Variants in MACROD2 observed in about 807,000 individuals in gnomAD.
The protein encoded by MACROD2 is ADP-ribose glycohydrolase MACROD2.
Under a neutral mutation model 70.4 loss-of-function variants are expected in MACROD2, and 36 were observed. That is an observed-to-expected ratio of 0.51 (90% confidence interval 0.39 to 0.68). MACROD2 has a LOEUF of 0.68. Ranked by LOEUF, MACROD2 falls within the 30% of genes least tolerant of loss-of-function variation. The pLI, the probability that MACROD2 is intolerant of heterozygous loss-of-function variation, is 0.00. For missense variants in MACROD2, 496 were observed against 538.4 expected (o/e 0.92, Z 0.78); for synonymous variants, 172 against 178.8 (o/e 0.96, Z 0.30).
At chr20:14,000,886 G>A (rs962996871) in intron 1 of MACROD2, among the ~76,000 whole-genome samples, 3 of 152,042 alleles carry the variant, frequency 2.0e-5, no homozygotes, top group African/African-American at 4.8e-5. Flanking sequence ...TTTTGTTTCC[G>A]GCTACTTTTC....
chr20:15,417,181 AGAGAGACTGT>A (rs2046164119), intron 6 of MACROD2, among the ~76,000 whole-genome samples: 1 of 152,182 alleles, frequency 6.6e-6, no homozygotes, highest in African/African-American at 2.4e-5. Flanking sequence ...ATCCCAGGGA[AGAGAGACTGT>A]GCTGGATATG....
chr20:14,095,736 A>G (rs1487742535), intron 3 of MACROD2, among the ~76,000 whole-genome samples: 2 of 152,152 alleles, frequency 1.3e-5, no homozygotes, highest in African/African-American at 4.8e-5. Context: ...ATCTCTATTA[A>G]ATAATACCTC....
intron 3 of MACROD2, among the ~76,000 whole-genome samples, chr20:14,121,797 A>T (rs148737924): frequency 6.6e-6 from 1 of 152,282 alleles, no homozygotes; most frequent in African/African-American, 2.4e-5. Context: ...AATAAAGCTA[A>T]AAGAAGCTTT....
chr20:14,675,741 T>G (rs2070852432), intron 4 of MACROD2, among the ~76,000 whole-genome samples: 1 of 152,068 alleles, frequency 6.6e-6, no homozygotes, highest in South Asian at 2.1e-4. Flanking sequence ...AATGCCCCAA[T>G]TAAAAGACAC....
chr20:14,032,575 G>C (rs1432427067), intron 2 of MACROD2, among the ~76,000 whole-genome samples: 1 of 151,834 alleles, frequency 6.6e-6, no homozygotes, highest in Admixed American at 6.6e-5. Context: ...GAATTTTTTG[G>C]GTCAATTACC....
chr20:14,930,274 T>C (rs1264938755), intron 5 of MACROD2, among the ~76,000 whole-genome samples: 1 of 152,206 alleles, frequency 6.6e-6, no homozygotes. Context: ...TGTAAATTTA[T>C]GTATAAATGA....
intron 7 of MACROD2, among the ~76,000 whole-genome samples, chr20:15,464,952 T>A (rs895834037): frequency 2.6e-5 from 4 of 152,012 alleles, no homozygotes; most frequent in Non-Finnish European, 5.9e-5. Flanking sequence ...TCTGAGGCAC[T>A]TACCTCCCGT....
rs148159090 is a variant in MACROD2 at position 15,582,863 on chromosome 20, G to A, written c.645+83016G>A. The stretch of plus-strand genomic sequence containing the variant: ...ACATTGTCTTTAGTGCTAAACTATT[G>A]TAATCAAGTTCTGTCGGGGTTGAGA... On this transcript the variant is annotated intron_variant, in intron 8 of 17. Coordinates refer to ENST00000684519, the MANE Select transcript of MACROD2 (RefSeq NM_001351661.2). Among the ~76,000 whole-genome samples, 234 of 152,284 alleles carry A rather than the reference G, an allele frequency of 1.5e-3. 1 individual carries two copies. The highest frequency in any genetic ancestry group is 5.3e-3 in the African/African-American group (220 of 41,556).
At chr20:16,005,765 C>G (rs542526695) in intron 15 of MACROD2, among the ~76,000 whole-genome samples, 11 of 152,222 alleles carry the variant, frequency 7.2e-5, no homozygotes, top group Non-Finnish European at 1.5e-4. Flanking sequence ...GCCTAGCTCT[C>G]TAAGCTTGTG....
At chr20:14,954,594 TAATAATTATATAG>T (rs1201193062) in intron 5 of MACROD2, among the ~76,000 whole-genome samples, 1 of 134,030 alleles carries the variant, frequency 7.5e-6, no homozygotes, top group Non-Finnish European at 1.5e-5. Flanking sequence ...AAATTATATA[TAATAATTATATAG>T]TTATTATATA....
chr20:14,141,270 AG>A (rs2054869428), intron 3 of MACROD2, among the ~76,000 whole-genome samples: 1 of 152,228 alleles, frequency 6.6e-6, no homozygotes, highest in African/African-American at 2.4e-5. Flanking sequence ...TCCATAAAAT[AG>A]GAACAGATGG....
intron 5 of MACROD2, among the ~76,000 whole-genome samples, chr20:15,207,036 C>T (rs906996690): frequency 1.8e-4 from 28 of 152,180 alleles, no homozygotes; most frequent in African/African-American, 5.8e-4. Context: ...GCGCCCGGCC[C>T]ATATTATCTA....
chr20:14,794,284 A>G (rs2072485847), intron 5 of MACROD2, among the ~76,000 whole-genome samples: 1 of 152,162 alleles, frequency 6.6e-6, no homozygotes. Context: ...AATGGATCTG[A>G]CTTTTCCTAC....
At chr20:15,962,863 A>C (rs1028004616) in intron 12 of MACROD2, among the ~76,000 whole-genome samples, 4 of 152,202 alleles carry the variant, frequency 2.6e-5, no homozygotes, top group African/African-American at 9.7e-5. Flanking sequence ...AATATAGTTC[A>C]GCCTTATTTA....
chr20:14,125,176 G>A (rs568641871), intron 3 of MACROD2, among the ~76,000 whole-genome samples: 28 of 152,236 alleles, frequency 1.8e-4, no homozygotes, highest in African/African-American at 6.7e-4. Flanking sequence ...CTGTTTAATG[G>A]ATATGAGATT....
rs2067466858 is a variant in MACROD2, at chr20:16,052,175, C to T, written c.*2299C>T. On this transcript the variant is annotated 3_prime_UTR_variant, in exon 18 of 18. Coordinates refer to ENST00000684519, the MANE Select transcript of MACROD2 (RefSeq NM_001351661.2). ...GATTGTGTTTTCATTTTTGCTTTGT[C>T]ATGCTTTTTGGTTGTTATTTGGCTA... is the stretch of plus-strand genomic sequence containing the variant. 1 of 152,136 alleles carries T rather than the reference C, an allele frequency of 6.6e-6. No homozygotes were observed. Among genetic ancestry groups the T allele is most frequent in the African/African-American group, 2.4e-5 (1 of 41,438 alleles). The allele number at this position is 152,136 out of a possible 1,614,324, so 9.4% of individuals were successfully genotyped here. A position where few individuals can be genotyped will look rare whatever the true frequency, so the allele number is the denominator to read the frequency against.
intron 5 of MACROD2, among the ~76,000 whole-genome samples, chr20:14,809,945 A>T (rs1208212076): frequency 1.5e-5 from 2 of 134,728 alleles, no homozygotes; most frequent in African/African-American, 5.0e-5. Flanking sequence ...GCAATAATTA[A>T]TAGCCTACCA....
chr20:15,624,633 A>T (rs2049176154), intron 8 of MACROD2, among the ~76,000 whole-genome samples: 1 of 151,962 alleles, frequency 6.6e-6, no homozygotes. Context: ...GCCCATTTTT[A>T]AAATATAATG....
intron 8 of MACROD2, among the ~76,000 whole-genome samples, chr20:15,835,199 T>A (rs1225850115): frequency 6.6e-6 from 1 of 152,226 alleles, no homozygotes; most frequent in African/African-American, 2.4e-5. Flanking sequence ...GACTAAAACC[T>A]GTTAGCCAAG....
Sources: allele counts gnomAD v4.1 joint callset (sites outside exome capture counted in the v4.1 genomes callset), GRCh38; gene constraint gnomAD v4.1.1; transcripts MANE v1.5; gene names NCBI Gene and HGNC (gene_info 2026-07-23, HGNC 2026-07-21).